SORCS2: variants seen among roughly 807,000 people sequenced by gnomAD.
SORCS2 encodes the protein sortilin related VPS10 domain containing receptor 2, also known as VPS10 domain-containing receptor SorCS2.
In SORCS2, 100 loss-of-function variants were observed where a neutral mutation model predicts 141.6. The observed-to-expected ratio is 0.71, with a 90% CI of 0.60 to 0.83. The LOEUF (loss-of-function observed/expected upper bound fraction) is 0.83, where lower values mean the gene tolerates loss of function less well. Among genes scored for constraint, SORCS2 ranks in the 40% least tolerant of loss-of-function variants. The pLI is 0.00. For synonymous variants in SORCS2, 789 were observed against 676.9 expected, an observed-to-expected ratio of 1.17 and a Z score of -2.57; for missense variants, 1,646 against 1,560.2, an observed-to-expected ratio of 1.05 and a Z score of -0.93.
chr4:7,696,856 G>A (rs1400756288), intron 11 of SORCS2, among the ~76,000 whole-genome samples: 3 of 152,220 alleles, frequency 2.0e-5, no homozygotes, highest in Non-Finnish European at 4.4e-5. Flanking sequence ...GGCTGCCCAT[G>A]ATTGGCCCAC....
intron 2 of SORCS2, among the ~76,000 whole-genome samples, chr4:7,458,608 A>T (rs1729074571): frequency 6.6e-6 from 1 of 152,298 alleles, no homozygotes; most frequent in Non-Finnish European, 1.5e-5. Context: ...AATGAGATTG[A>T]TGTGGGATGA....
At chr4:7,346,885 T>C (rs910358295) in intron 1 of SORCS2, among the ~76,000 whole-genome samples, 19 of 152,196 alleles carry the variant, frequency 1.2e-4, no homozygotes, top group African/African-American at 4.6e-4. Flanking sequence ...CATCAAACTG[T>C]ACTATAATTG....
At chr4:7,683,442 C>CAA (rs77413523) in intron 10 of SORCS2, among the ~76,000 whole-genome samples, 4 of 16,974 alleles carry the variant, frequency 2.4e-4, no homozygotes, top group Non-Finnish European at 4.6e-4. Flanking sequence ...TGGGCTTGCT[C>CAA]ATGTCAGGGA....
intron 1 of SORCS2, among the ~76,000 whole-genome samples, chr4:7,243,306 C>T (rs1253376209): frequency 6.6e-6 from 1 of 152,166 alleles, no homozygotes; most frequent in East Asian, 1.9e-4. Context: ...CTTGGCCATT[C>T]TCCTCCCTGC....
At chr4:7,372,507 C>A (rs1722323229) in intron 1 of SORCS2, among the ~76,000 whole-genome samples, 1 of 152,128 alleles carries the variant, frequency 6.6e-6, no homozygotes, top group African/African-American at 2.4e-5. Context: ...GGGGTTTCAC[C>A]ATGTTGGCCA....
At chr4:7,214,427 T>C (rs7664358) in intron 1 of SORCS2, among the ~76,000 whole-genome samples, 49,311 of 152,064 alleles carry the variant, frequency 0.32, 8,608 homozygotes, top group Non-Finnish European at 0.39. Context: ...ATGCCAGTGC[T>C]GTGCTCTTGG....
At chr4:7,566,829 G>C (rs764030886) in intron 3 of SORCS2, among the ~76,000 whole-genome samples, 49 of 151,908 alleles carry the variant, frequency 3.2e-4, no homozygotes, top group Non-Finnish European at 5.4e-4. Flanking sequence ...GCTAGAGCTA[G>C]TCACATGGCC....
chr4:7,250,660 T>C lies in SORCS2; in HGVS notation c.480+57534T>C, dbSNP rs1713441200. Reference sequence around the variant, plus strand: ...AAGAAAAGGACAGACTCAACCGGCCTTGGGGTCTTTCATGTATTCGGGGAG... The same window carrying C: ...AAGAAAAGGACAGACTCAACCGGCCCTGGGGTCTTTCATGTATTCGGGGAG... On this transcript the variant is annotated intron_variant, in intron 1 of 26. Coordinates refer to ENST00000507866, the MANE Select transcript of SORCS2 (RefSeq NM_020777.3). Among the ~76,000 whole-genome samples the C allele has an allele frequency of 2.0e-5, 3 of 152,214 alleles. No homozygotes were observed. The South Asian group carries it at 6.2e-4, about 32-fold the overall frequency.
At chr4:7,371,964 GTGAGGGAAGATGCCTAT>G (rs1387272367) in intron 1 of SORCS2, among the ~76,000 whole-genome samples, 1 of 152,218 alleles carries the variant, frequency 6.6e-6, no homozygotes, top group East Asian at 1.9e-4. Flanking sequence ...CGGTGGGGGA[GTGAGGGAAGATGCCTAT>G]CCTGGCAGCT....
intron 10 of SORCS2, among the ~76,000 whole-genome samples, chr4:7,685,688 A>AAT (rs5855976): frequency 0.47 from 70,433 of 149,582 alleles, 16,857 homozygotes; most frequent in East Asian, 0.66. Flanking sequence ...AAAATAAATA[A>AAT]ATATATATAT....
At chr4:7,205,205 T>C (rs759348223) in intron 1 of SORCS2, among the ~76,000 whole-genome samples, 8 of 152,312 alleles carry the variant, frequency 5.3e-5, no homozygotes, top group Non-Finnish European at 1.0e-4. Flanking sequence ...GGCTGTGGGT[T>C]AGGCTCCTTG....
At position 7,242,208 on chromosome 4, in the gene SORCS2, C is replaced by CT. The variant is rs567946762; in HGVS notation, c.480+49089dup. Among the ~76,000 whole-genome samples, 33 of 152,194 alleles carry CT rather than the reference C, an allele frequency of 2.2e-4. No individual in the cohort carries two copies. The South Asian group carries it at 6.0e-3, about 28-fold the overall frequency. On this transcript the variant is annotated intron_variant, in intron 1 of 26. Coordinates refer to ENST00000507866, the MANE Select transcript of SORCS2 (RefSeq NM_020777.3). ...CCTTTCAGAGCCCTGTTGTCTTCTT[C>CT]TTTTTTTAAAAGACAGGGTCTCATT...
chr4:7,375,458 G>T (rs897471004), intron 1 of SORCS2, among the ~76,000 whole-genome samples: 1 of 152,200 alleles, frequency 6.6e-6, no homozygotes. Flanking sequence ...GCAGGATACC[G>T]CGGTGGGATT....
intron 2 of SORCS2, among the ~76,000 whole-genome samples, chr4:7,455,304 T>C (rs71613818): frequency 1.7e-5 from 1 of 58,698 alleles, no homozygotes; most frequent in Non-Finnish European, 3.2e-5. Flanking sequence ...GGTCAGGCAC[T>C]GTGTTGGGGT....
At chr4:7,221,310 C>T (rs1404392952) in intron 1 of SORCS2, among the ~76,000 whole-genome samples, 7 of 152,182 alleles carry the variant, frequency 4.6e-5, no homozygotes, top group Admixed American at 4.6e-4. Context: ...CATCCCGGTC[C>T]CACCAGACCC....
intron 3 of SORCS2, among the ~76,000 whole-genome samples, chr4:7,603,408 T>C (rs1245920562): frequency 2.6e-5 from 4 of 152,200 alleles, no homozygotes; most frequent in Non-Finnish European, 5.9e-5. Context: ...CTCCGTCTGT[T>C]TTCTGTGCTG....
At chr4:7,708,425 C>G (rs1560500463) in intron 14 of SORCS2, among the ~76,000 whole-genome samples, 1 of 152,194 alleles carries the variant, frequency 6.6e-6, no homozygotes, top group East Asian at 1.9e-4. Context: ...GCCCCCTTCA[C>G]TGGTCTCACT....
At chr4:7,623,836 C>T (rs1056241820) in intron 3 of SORCS2, among the ~76,000 whole-genome samples, 3 of 152,152 alleles carry the variant, frequency 2.0e-5, no homozygotes, top group African/African-American at 7.2e-5. Flanking sequence ...GTTCCTTGCT[C>T]CACCCCCAGC....
intron 1 of SORCS2, among the ~76,000 whole-genome samples, chr4:7,308,977 A>G (rs1718014835): frequency 6.6e-6 from 1 of 152,106 alleles, no homozygotes; most frequent in African/African-American, 2.4e-5. Flanking sequence ...TCTGGGGCCC[A>G]TGGTTCTGGT....
Sources: gnomAD v4.1 joint callset for allele counts (sites outside exome capture counted in the v4.1 genomes callset) on GRCh38, gnomAD v4.1.1 for gene constraint, MANE v1.5 for transcripts, NCBI Gene and HGNC (gene_info 2026-07-23, HGNC 2026-07-21) for gene names.